SLC6A19: variants seen among roughly 807,000 people sequenced by gnomAD.
SLC6A19 encodes sodium-dependent neutral amino acid transporter B(0)AT1.
In SLC6A19, 67 loss-of-function variants were observed where a neutral mutation model predicts 68.3. That is an observed-to-expected ratio of 0.98 (90% CI 0.81 to 1.20). SLC6A19 has a LOEUF of 1.20. SLC6A19 is among the 50% of genes most tolerant of loss of function. SLC6A19 has a pLI of 0.00. For missense variants in SLC6A19, 813 were observed against 851.6 expected (o/e 0.95, Z 0.56); for synonymous variants, 392 against 374.9 (o/e 1.05, Z -0.53).
rs751263890 is a variant in SLC6A19 at position 1,221,195 on chromosome 5, T to A, written c.1583T>A (p.Ile528Asn). The part of the protein sequence containing the change: ...IEFMIGHKPN[I>N]FWQVTWRVVS... ...TTCATGATCGGCCACAAGCCCAACA[T>A]CTTCTGGCAAGTCACGTGGCGCGTG... The change falls in exon 11 of 12, where the codon ATC becomes AAC. Residue 528 changes from isoleucine to asparagine, a missense_variant. Physicochemically the swap from Ile to Asn is moderately radical, Grantham distance 149 (BLOSUM62 -3). Transcript: ENST00000304460. 1 of 1,614,098 alleles carries A rather than the reference T, an allele frequency of 6.2e-7. No individual in the cohort carries two copies. The highest frequency in any genetic ancestry group is 1.3e-5 in the African/African-American group (1 of 75,020).
At chr5:1,217,766 A>G (rs1460334065) in intron 8 of SLC6A19, among the ~76,000 whole-genome samples, 1 of 152,196 alleles carries the variant, frequency 6.6e-6, no homozygotes, top group Non-Finnish European at 1.5e-5. Flanking sequence ...TGCACCATGA[A>G]ATTCGCCCAC....
intron 1 of SLC6A19, among the ~76,000 whole-genome samples, chr5:1,207,131 G>A (rs905875880): frequency 6.6e-6 from 1 of 152,230 alleles, no homozygotes; most frequent in African/African-American, 2.4e-5. Context: ...GCCACGGCCT[G>A]CACTCACCTC....
intron 9 of SLC6A19, 138 bp downstream of exon 9, chr5:1,219,245 G>C (rs1052478403): frequency 1.4e-5 from 14 of 998,468 alleles, no homozygotes; most frequent in Non-Finnish European, 1.8e-5. Context: ...CCGGCCGTGC[G>C]TGCAGCCCCC....
At position 1,219,675 on chromosome 5, in the gene SLC6A19, C is replaced by T. The variant is rs759875439; in HGVS notation, c.1538+11C>T. ...GTACGGTGTGGACAGGTAGGGGCCA[C>T]GGTGGGGACAGGTGCCTCTAATGCA... On this transcript the variant is annotated intron_variant, in intron 10 of 11. Transcript: ENST00000304460. 61 of 1,602,806 alleles carry T rather than the reference C, an allele frequency of 3.8e-5. No homozygotes were observed. In the Middle Eastern group the frequency reaches 5.0e-4, roughly 13 times the overall value.
rs1216430618 is a variant in SLC6A19 at position 1,221,828 on chromosome 5, G to A, written c.1829G>A (p.Cys610Tyr). The change falls in exon 12 of 12, where the codon TGC becomes TAC. Residue 610 changes from cysteine (C) to tyrosine (Y), a missense_variant. Cys to Tyr is a radical substitution (Grantham distance 194, BLOSUM62 -2). Coordinates refer to ENST00000304460, the MANE Select transcript of SLC6A19 (RefSeq NM_001003841.3). ...YAIYKLIRNH[C>Y]QKPGDHQGLV... is the part of the protein sequence containing the mutation. ...ATCTACAAGCTCATCAGGAACCACT[G>A]CCAGAAGCCAGGGGACCATCAGGGG... 1 of 1,614,202 alleles carries A rather than the reference G, an allele frequency of 6.2e-7. No individual in the cohort carries two copies. The highest frequency in any genetic ancestry group is 1.7e-5 in the Admixed American group (1 of 60,032).
chr5:1,210,307 G>T (rs1463694753), intron 2 of SLC6A19, 137 bp from the exon 3 acceptor site: 7 of 1,270,124 alleles, frequency 5.5e-6, no homozygotes, highest in African/African-American at 1.5e-5. Context: ...CCTGCACTGG[G>T]TCGGCCCCTC....
At chr5:1,217,454 T>C (rs1453501059) in intron 8 of SLC6A19, among the ~76,000 whole-genome samples, 1 of 152,244 alleles carries the variant, frequency 6.6e-6, no homozygotes, top group Non-Finnish European at 1.5e-5. Context: ...CTGTTACAAT[T>C]AAAGGTCGAC....
At chr5:1,204,967 C>A (rs879848210) in intron 1 of SLC6A19, among the ~76,000 whole-genome samples, 3 of 152,260 alleles carry the variant, frequency 2.0e-5, no homozygotes, top group Admixed American at 1.3e-4. Context: ...CCTCCTCCCC[C>A]TCTCTCCTGG....
rs1017396117 is a variant in SLC6A19, at chr5:1,215,427, C to T, written c.888-1131C>T. 2.6e-5 allele frequency among the ~76,000 whole-genome samples: 4 copies of T among 152,190 alleles called. No homozygotes were observed. The highest frequency in any genetic ancestry group is 3.9e-4 in the East Asian group (2 of 5,184). ...TCCCCAGTGCCCTGTCCTCCTGCCC[C>T]GGGTGAGCACTGATGCGCTCTCTGC... is the stretch of plus-strand genomic sequence containing the variant. On this transcript the variant is annotated intron_variant, in intron 6 of 11. Coordinates refer to ENST00000304460, the MANE Select transcript of SLC6A19 (RefSeq NM_001003841.3). This position sits in a 1 kb window ranked among gnomAD's most constrained non-coding sequence, Gnocchi z 5.1.
chr5:1,216,670 G>T lies in SLC6A19; in HGVS notation c.1000G>T (p.Asp334Tyr). Reference protein sequence around the residue: ...VIGFRATQRYDDCFSTNILTL... With the variant: ...VIGFRATQRYYDCFSTNILTL... The stretch of plus-strand genomic sequence containing the variant: ...TGGGTTCCGCGCCACACAGCGCTAC[G>T]ACGACTGCTTCAGCACGTGAGTGGC... The change falls in exon 7 of 12, where the codon GAC becomes TAC. Residue 334 changes from aspartate (D) to tyrosine (Y), a missense_variant. Coordinates refer to ENST00000304460, the MANE Select transcript of SLC6A19 (RefSeq NM_001003841.3). The T allele has an allele frequency of 6.2e-7, 1 of 1,613,726 alleles. No individual in the cohort carries two copies. Among genetic ancestry groups the T allele is most frequent in the Non-Finnish European group, 8.5e-7 (1 of 1,179,906 alleles).
In SLC6A19 at chr5:1,216,891, G is replaced by A. The variant is rs546847802; in HGVS notation, c.1119G>A (p.Ala373=). The A allele has an allele frequency of 1.7e-5, 27 of 1,613,638 alleles. No homozygotes were observed. The highest frequency in any genetic ancestry group is 1.7e-4 in the Middle Eastern group (1 of 6,026). Residue 373 remains alanine (A), a synonymous_variant, in exon 8 of 12, where the codon GCG becomes GCA. Coordinates refer to ENST00000304460, the MANE Select transcript of SLC6A19 (RefSeq NM_001003841.3). The stretch of plus-strand genomic sequence containing the variant: ...AGCGGTGCAACGCCTCCGACCCCGC[G>A]GCCTACGCGCAGCTGGTGTTCCAGA... The part of the protein sequence containing the change: ...MQQRCNASDP[A]AYAQLVFQTC...
Position 1,212,449 on chromosome 5 carries a change from A to G in SLC6A19, c.628A>G (p.Met210Val). 6.2e-7 allele frequency: 1 copy of G among 1,610,778 alleles called. No individual in the cohort carries two copies. Among genetic ancestry groups the G allele is most frequent in the Non-Finnish European group, 8.5e-7 (1 of 1,179,866 alleles). ...GGCCTGCGCATGGAGCGTCCTGTAC[A>G]TGTGCACCATCCGCGGCATCGAGAC... ...CLACAWSVLY[M>V]CTIRGIETTG... Residue 210 changes from methionine (M) to valine (V), a missense_variant, in exon 4 of 12, where the codon ATG becomes GTG. Transcript: ENST00000304460. The surrounding 1 kb of genome is among the most constrained non-coding windows in gnomAD (Gnocchi z 5.1).
At position 1,218,996 on chromosome 5, in the gene SLC6A19, A is replaced by T; in HGVS notation, c.1267A>T (p.Met423Leu). Residue 423 changes from methionine to leucine, a missense_variant, in exon 9 of 12, where the codon ATG becomes TTG. Transcript: ENST00000304460. Reference protein sequence around the residue: ...SPLWSVLFFIMLFCLGLSSMF... With the variant: ...SPLWSVLFFILLFCLGLSSMF... ...ACTGTGGTCTGTGCTCTTCTTCATT[A>T]TGCTCTTCTGCCTGGGGCTGTCATC... 1 of 1,614,038 alleles carries T rather than the reference A, an allele frequency of 6.2e-7. No homozygotes were observed. The highest frequency in any genetic ancestry group is 8.5e-7 in the Non-Finnish European group (1 of 1,179,992).
In SLC6A19 at chr5:1,219,121, C is replaced by A. The variant is rs766366907; in HGVS notation, c.1378+14C>A. On this transcript the variant is annotated intron_variant, in intron 9 of 11. Transcript: ENST00000304460. ...AGGTGCTCACAGGTACGTGTGCAGT[C>A]GGGAGGGGTCCCCATGGCAATGGTG... 6.2e-7 allele frequency: 1 copy of A among 1,602,954 alleles called. No individual in the cohort carries two copies. Among genetic ancestry groups the A allele is most frequent in the South Asian group, 1.1e-5 (1 of 89,580 alleles).
chr5:1,205,218 G>T (rs1223228835), intron 1 of SLC6A19, among the ~76,000 whole-genome samples: 1 of 152,248 alleles, frequency 6.6e-6, no homozygotes, highest in Non-Finnish European at 1.5e-5. Flanking sequence ...CTGGGCGCTG[G>T]CCGCCCCTTT....
intron 1 of SLC6A19, among the ~76,000 whole-genome samples, chr5:1,207,726 C>T (rs1210334547): frequency 2.0e-5 from 3 of 152,222 alleles, no homozygotes; most frequent in Non-Finnish European, 2.9e-5. Flanking sequence ...CTAAACGTGG[C>T]CCTCGGTTTA....
rs771404624 is a variant in SLC6A19 at position 1,221,718 on chromosome 5, C to G, written c.1719C>G (p.Ser573=). ...CTCCCCAGGAGGAATTTCCCAAATC[C>G]CAGAAGATCTCCTACCCGAACTGGG... ...WDPGYEEFPK[S]QKISYPNWVY... is the part of the protein sequence containing the mutation. The change falls in exon 12 of 12, where the codon TCC becomes TCG. Residue 573 remains serine (S), a synonymous_variant. Transcript: ENST00000304460. The G allele has an allele frequency of 5.0e-6, 8 of 1,613,988 alleles. No homozygotes were observed. The Admixed American group carries it at 1.3e-4, about 27-fold the overall frequency.
chr5:1,218,057 A>C (rs1196578456), intron 8 of SLC6A19, among the ~76,000 whole-genome samples: 14 of 130,058 alleles, frequency 1.1e-4, no homozygotes, highest in Admixed American at 1.5e-4. Context: ...GCCTCCTCCC[A>C]CCTCCTGCCC....
chr5:1,215,675 C>G lies in SLC6A19; in HGVS notation c.888-883C>G, dbSNP rs1746186847. Among the ~76,000 whole-genome samples, 1 of 152,248 alleles carries G rather than the reference C, an allele frequency of 6.6e-6. No homozygotes were observed. The stretch of plus-strand genomic sequence containing the variant: ...TGGACATTTTCCACGTTTTGGCTGT[C>G]ATGAGTCATGCTGACGTGAGCCTGT... On this transcript the variant is annotated intron_variant, in intron 6 of 11. Coordinates refer to ENST00000304460, the MANE Select transcript of SLC6A19 (RefSeq NM_001003841.3). This position sits in a 1 kb window ranked among gnomAD's most constrained non-coding sequence, Gnocchi z 5.1.
Sources: allele counts gnomAD v4.1 joint callset (sites outside exome capture counted in the v4.1 genomes callset), GRCh38; gene constraint gnomAD v4.1.1; non-coding constraint Gnocchi (gnomAD v3.1); transcripts MANE v1.5; gene names NCBI Gene and HGNC (gene_info 2026-07-23, HGNC 2026-07-21).